Variants in GLA observed in about 807,000 individuals in gnomAD.
GLA encodes alpha-galactosidase A.
GLA carries 4 observed loss-of-function variants against 28.2 expected under a neutral mutation model. That is an observed-to-expected ratio of 0.14 (90% CI 0.07 to 0.32). The LOEUF (loss-of-function observed/expected upper bound fraction) is 0.32, where lower values mean the gene tolerates loss of function less well. Among genes scored for constraint, GLA ranks in the 10% least tolerant of loss-of-function variants. The pLI is 1.00. For missense variants in GLA, 203 were observed against 323.7 expected (o/e 0.63, Z 2.86); for synonymous variants, 94 against 113.0 (o/e 0.83, Z 1.07).
At chrX:101,400,858 A>T (rs187167821) in intron 3 of GLA, 101 bp from the exon 4 acceptor site, 104 of 428,563 alleles carry the variant, frequency 2.4e-4, no homozygotes, top group East Asian at 2.1e-3. Context: ...ATTTTTTGAG[A>T]TGGGGTTCAG....
chrX:101,401,453 G>GAATT (rs200739167), intron 3 of GLA, 179 bp downstream of exon 3: 9 of 501,720 alleles, frequency 1.8e-5, no homozygotes, highest in African/African-American at 1.4e-4. Context: ...GATTTTACAT[G>GAATT]AATTAATTAA....
chrX:101,402,493 G>A (rs186298125), intron 2 of GLA, among the ~76,000 whole-genome samples: 199 of 112,458 alleles, frequency 1.8e-3, no homozygotes, highest in African/African-American at 6.0e-3. Flanking sequence ...GGCCGGGCGT[G>A]GTGGCTCATG....
rs2147480878 is a variant in GLA, at chrX:101,403,949, G to A, written c.231C>T (p.Val77=). Residue 77 remains valine (V), a synonymous_variant, in exon 2 of 7, where the codon GTC becomes GTT. Coordinates refer to ENST00000218516, the MANE Select transcript of GLA (RefSeq NM_000169.3). Reference sequence around the variant, plus strand: ...AACCTGCATCCTTCCAGCCTTCTGAGACCATGAGCTCTGCCATCTCCATGA... The same window carrying A: ...AACCTGCATCCTTCCAGCCTTCTGAAACCATGAGCTCTGCCATCTCCATGA... The part of the protein sequence containing the change: ...KLFMEMAELM[V]SEGWKDAGYE... The A allele has an allele frequency of 8.3e-7, 1 of 1,210,256 alleles. No homozygotes were observed. The highest frequency in any genetic ancestry group is 1.1e-6 in the Non-Finnish European group (1 of 894,003).
In GLA at chrX:101,398,456, G is replaced by C; in HGVS notation, c.913C>G (p.Pro305Ala). Residue 305 changes from proline (P) to alanine (A), a missense_variant, in exon 6 of 7, where the codon CCT becomes GCT. Pro to Ala is a conservative substitution (Grantham distance 27). Around this residue, in one of 3 missense-constraint regions of GLA, gnomAD observed 162 missense variants for 246.8 expected, o/e 0.66. Coordinates refer to ENST00000218516, the MANE Select transcript of GLA (RefSeq NM_000169.3). ...TCCTGAAGGAGAGCTTTGGCTTGAG[G>C]GCTGATGTGTCGGAGGTCATTAGAC... The part of the protein sequence containing the change: ...FMSNDLRHIS[P>A]QAKALLQDKD... The C allele has an allele frequency of 8.3e-7, 1 of 1,207,097 alleles. No individual in the cohort carries two copies.
intron 3 of GLA, 188 bp downstream of exon 3, chrX:101,401,444 A>C (rs1928310646): frequency 4.0e-6 from 2 of 497,034 alleles, no homozygotes; most frequent in East Asian, 7.4e-5. Flanking sequence ...GTATGCATGG[A>C]TTTTACATGA....
chrX:101,398,616 T>TAA (rs782056296), intron 5 of GLA, 49 bp from the exon 6 acceptor site: 1 of 1,086,790 alleles, frequency 9.2e-7, no homozygotes, highest in South Asian at 1.8e-5. Context: ...GAAACATTCT[T>TAA]AAAGTTACCT....
chrX:101,407,190 C>T (rs1928546415), intron 1 of GLA, among the ~76,000 whole-genome samples: 1 of 112,011 alleles, frequency 8.9e-6, no homozygotes, highest in Admixed American at 9.5e-5. Context: ...CCTCGAGATA[C>T]TGCCGAGAAA....
At chrX:101,400,527 G>A in intron 4 of GLA, 139 bp downstream of exon 4, 1 of 504,345 alleles carries the variant, frequency 2.0e-6, no homozygotes, top group South Asian at 2.6e-5. Flanking sequence ...AGTGGGGATG[G>A]TGAGAAGTGG....
chrX:101,399,157 T>G (rs1928207559), intron 4 of GLA, among the ~76,000 whole-genome samples: 1 of 112,658 alleles, frequency 8.9e-6, no homozygotes, highest in Non-Finnish European at 1.9e-5. Context: ...GTTAATTTAC[T>G]TCTATAATCA....
intron 3 of GLA, 131 bp from the exon 4 acceptor site, chrX:101,400,888 T>C (rs2147476399): frequency 5.5e-6 from 2 of 361,127 alleles, no homozygotes; most frequent in South Asian, 5.8e-5. Context: ...CAGGGTGGAG[T>C]GCAGTGGTGC....
At chrX:101,400,372 A>C (rs1388156976) in intron 4 of GLA, among the ~76,000 whole-genome samples, 1 of 111,127 alleles carries the variant, frequency 9.0e-6, no homozygotes, top group African/African-American at 3.3e-5. Flanking sequence ...CATGTAGTGA[A>C]GATGGAAGGA....
At chrX:101,405,649 G>A (rs942243101) in intron 1 of GLA, among the ~76,000 whole-genome samples, 4 of 111,098 alleles carry the variant, frequency 3.6e-5, no homozygotes, top group African/African-American at 1.3e-4. Context: ...GGCCGGGTGC[G>A]GTGGCTCACA....
rs781788370 is a variant in GLA at position 101,398,002 on chromosome X, G to T, written c.1097C>A (p.Thr366Asn). The change falls in exon 7 of 7, where the codon ACC becomes AAC. Residue 366 changes from threonine (T) to asparagine (N), a missense_variant. Transcript: ENST00000218516. ...RQEIGGPRSY[T>N]IAVASLGKGV... is the part of the protein sequence containing the mutation. Reference sequence around the variant, plus strand: ...TTTACCCAGGGAAGCAACTGCGATGGTATAAGAGCGAGGTCCACCAATCTC... The same window carrying T: ...TTTACCCAGGGAAGCAACTGCGATGTTATAAGAGCGAGGTCCACCAATCTC... The T allele has an allele frequency of 2.5e-6, 3 of 1,208,179 alleles. No individual in the cohort carries two copies. The highest frequency in any genetic ancestry group is 4.4e-5 in the Admixed American group (2 of 45,752).
rs782079853 is a variant in GLA at position 101,407,815 on chromosome X, C to G, written c.89G>C (p.Arg30Thr). 1.7e-6 allele frequency: 2 copies of G among 1,211,286 alleles called. No homozygotes were observed. Among genetic ancestry groups the G allele is most frequent in the South Asian group, 3.5e-5 (2 of 56,992 alleles). ...CCTTGCCAATCCATTGTCCAGTGCT[C>G]TAGCCCCAGGGATGTCCCAGGAAAC... ...ALVSWDIPGA[R>T]ALDNGLARTP... is the part of the protein sequence containing the mutation. Residue 30 changes from arginine (R) to threonine (T), a missense_variant, in exon 1 of 7, where the codon AGA becomes ACA. Arg to Thr is a moderately conservative substitution (Grantham distance 71). This residue lies in a region of GLA where 30 missense variants were observed against 32.2 expected (regional missense o/e 0.93). Coordinates refer to ENST00000218516, the MANE Select transcript of GLA (RefSeq NM_000169.3).
intron 1 of GLA, among the ~76,000 whole-genome samples, chrX:101,407,291 A>T (rs1259125730): frequency 3.6e-5 from 4 of 111,846 alleles, no homozygotes; most frequent in Non-Finnish European, 7.5e-5. Context: ...AGCACCCGGC[A>T]GAGGAAGAGC....
intron 2 of GLA, among the ~76,000 whole-genome samples, chrX:101,403,433 GT>G (rs782101494): frequency 1.7e-4 from 17 of 99,031 alleles, no homozygotes; most frequent in Admixed American, 4.4e-4. Flanking sequence ...TTTTTTCCTT[GT>G]TTTTTTTTTT....
chrX:101,404,606 G>A (rs1306473494), intron 1 of GLA, among the ~76,000 whole-genome samples: 1 of 77,488 alleles, frequency 1.3e-5, no homozygotes, highest in Non-Finnish European at 2.2e-5. Context: ...GTCTCCCTCT[G>A]TCACCCAGGC....
At chrX:101,403,176 G>A (rs906525826) in intron 2 of GLA, among the ~76,000 whole-genome samples, 8 of 107,118 alleles carry the variant, frequency 7.5e-5, no homozygotes, top group African/African-American at 2.7e-4. Context: ...GCGGGTGCCT[G>A]TGGTCCCAGC....
intron 1 of GLA, among the ~76,000 whole-genome samples, chrX:101,405,250 A>AG (rs1388007106): frequency 9.1e-6 from 1 of 109,528 alleles, no homozygotes; most frequent in African/African-American, 3.3e-5. Context: ...AAAAAAAAAA[A>AG]AAAGAAAAAA....
Sources: allele counts gnomAD v4.1 joint callset (sites outside exome capture counted in the v4.1 genomes callset), GRCh38; gene constraint gnomAD v4.1.1; regional missense constraint gnomAD v4.1.1; transcripts MANE v1.5; gene names NCBI Gene and HGNC (gene_info 2026-07-23, HGNC 2026-07-21).